The following WDSUB1 variants were observed in gnomAD, a reference collection of about 807,000 sequenced individuals.
The protein encoded by WDSUB1 is WD repeat, sterile alpha motif and U-box domain containing 1.
A neutral mutation model predicts 53.9 loss-of-function variants in WDSUB1; 49 were observed. That is an observed-to-expected ratio of 0.91 (90% CI 0.72 to 1.15). The LOEUF (loss-of-function observed/expected upper bound fraction) is 1.15. Ranked by LOEUF, WDSUB1 falls within the 50% of genes most tolerant of loss-of-function variation. The pLI, the probability that WDSUB1 is intolerant of heterozygous loss-of-function variation, is 0.00. For missense variants in WDSUB1, 514 were observed against 562.0 expected, an observed-to-expected ratio of 0.91 and a Z score of 0.86; for synonymous variants, 194 against 200.6, an observed-to-expected ratio of 0.97 and a Z score of 0.28.
chr2:159,250,088 C>CAAAAAAAAAAAAA lies in WDSUB1; in HGVS notation c.1133-1589_1133-1577dup, dbSNP rs374038625. Among the ~76,000 whole-genome samples the CAAAAAAAAAAAAA allele has an allele frequency of 1.7e-3, 142 of 83,390 alleles. 4 individuals carry two copies. Among genetic ancestry groups the CAAAAAAAAAAAAA allele is most frequent in the Non-Finnish European group, 2.4e-3 (91 of 37,180 alleles). 54.7% of individuals were successfully genotyped at this position (83,390 alleles called of 152,430 possible). On this transcript the variant is annotated intron_variant, in intron 9 of 10. Transcript: ENST00000359774. Reference sequence around the variant, plus strand: ...TGGGCGACACAGTGAGACTCTGCCTCAAAAAAAAAAAAAAAAAAAGAAGGG... The same window carrying CAAAAAAAAAAAAA: ...TGGGCGACACAGTGAGACTCTGCCTCAAAAAAAAAAAAAAAAAAAAAAAAAAAAAAAAGAAGGG...
chr2:159,241,041 G>A (rs2060630099), intron 10 of WDSUB1, among the ~76,000 whole-genome samples: 1 of 152,210 alleles, frequency 6.6e-6, no homozygotes, highest in African/African-American at 2.4e-5. Context: ...GAATTAGACA[G>A]TATACTTGAA....
At chr2:159,275,439 T>G (rs2061520023) in intron 4 of WDSUB1, 107 bp downstream of exon 4, 1 of 880,662 alleles carries the variant, frequency 1.1e-6, no homozygotes, top group Non-Finnish European at 1.7e-6. Context: ...TAAACCATAT[T>G]TTAATACTTA....
intron 5 of WDSUB1, among the ~76,000 whole-genome samples, chr2:159,263,569 A>T (rs2061272174): frequency 6.6e-6 from 1 of 152,212 alleles, no homozygotes; most frequent in Non-Finnish European, 1.5e-5. Context: ...ATGCAATGTA[A>T]AATAGAAACA....
At chr2:159,274,448 T>C (rs1380537676) in intron 4 of WDSUB1, among the ~76,000 whole-genome samples, 12 of 152,090 alleles carry the variant, frequency 7.9e-5, no homozygotes, top group Admixed American at 7.2e-4. Context: ...AAAGGAAAAT[T>C]AGAATGACAC....
chr2:159,274,678 T>C (rs968708542), intron 4 of WDSUB1, among the ~76,000 whole-genome samples: 5 of 113,160 alleles, frequency 4.4e-5, no homozygotes, highest in Admixed American at 3.1e-4. Context: ...AAGGGCCAAC[T>C]ACCCACCTCC....
intron 6 of WDSUB1, among the ~76,000 whole-genome samples, 174 bp from the exon 7 acceptor site, chr2:159,258,159 T>A (rs1234531983): frequency 1.3e-5 from 2 of 152,184 alleles, no homozygotes; most frequent in African/African-American, 4.8e-5. Flanking sequence ...TGTAACAGCA[T>A]TCTCAGGTAC....
intron 3 of WDSUB1, among the ~76,000 whole-genome samples, chr2:159,275,901 G>A (rs1365064150): frequency 1.3e-5 from 2 of 152,112 alleles, no homozygotes; most frequent in African/African-American, 4.8e-5. Context: ...AGGCTGCAAG[G>A]ACCAATATTG....
chr2:159,261,076 C>G (rs1559546508), intron 5 of WDSUB1, among the ~76,000 whole-genome samples: 1 of 152,100 alleles, frequency 6.6e-6, no homozygotes, highest in Non-Finnish European at 1.5e-5. Context: ...TGTCAGCCCT[C>G]CATATCCACA....
chr2:159,252,880 AAAT>A (rs2060980167), intron 9 of WDSUB1, among the ~76,000 whole-genome samples: 1 of 152,232 alleles, frequency 6.6e-6, no homozygotes, highest in Non-Finnish European at 1.5e-5. Flanking sequence ...CCTTTGAAAA[AAAT>A]CTCGTTCCCA....
chr2:159,258,291 A>G (rs2061113923), intron 6 of WDSUB1, among the ~76,000 whole-genome samples: 1 of 152,210 alleles, frequency 6.6e-6, no homozygotes, highest in Non-Finnish European at 1.5e-5. Context: ...TAACCTAAAC[A>G]TCTATTACCT....
At chr2:159,272,785 A>G (rs1433307237) in intron 4 of WDSUB1, among the ~76,000 whole-genome samples, 1 of 152,202 alleles carries the variant, frequency 6.6e-6, no homozygotes, top group East Asian at 1.9e-4. Context: ...TGTAATTCCA[A>G]TATTATCTTT....
In WDSUB1 at chr2:159,282,984, G is replaced by A. The variant is rs1274888392; in HGVS notation, c.86C>T (p.Ser29Phe). Reference sequence around the variant, plus strand: ...GTACAGGCGAATTGTTTTGTCCAAGGAGCAAGTAGCCAAGAGGGAAAAGGA... The same window carrying A: ...GTACAGGCGAATTGTTTTGTCCAAGAAGCAAGTAGCCAAGAGGGAAAAGGA... ...AFSFSLLATC[S>F]LDKTIRLYSL... Residue 29 changes from serine (S) to phenylalanine (F), a missense_variant, in exon 2 of 11, where the codon TCC becomes TTC. Transcript: ENST00000359774. The A allele has an allele frequency of 6.2e-7, 1 of 1,614,070 alleles. No individual in the cohort carries two copies. The highest frequency in any genetic ancestry group is 8.5e-7 in the Non-Finnish European group (1 of 1,180,038).
At chr2:159,275,711 A>G in intron 3 of WDSUB1, 73 bp from the exon 4 acceptor site, 1 of 1,159,548 alleles carries the variant, frequency 8.6e-7, no homozygotes, top group Non-Finnish European at 1.2e-6. Flanking sequence ...CATTTCTTAT[A>G]CTAAGATCTA....
chr2:159,273,429 T>A (rs1558871224), intron 4 of WDSUB1, among the ~76,000 whole-genome samples: 1 of 152,138 alleles, frequency 6.6e-6, no homozygotes, highest in African/African-American at 2.4e-5. Flanking sequence ...TTATTTTTAT[T>A]ATTTTTTTTT....
intron 5 of WDSUB1, among the ~76,000 whole-genome samples, chr2:159,260,934 CTTG>C (rs2061175220): frequency 6.6e-6 from 1 of 152,172 alleles, no homozygotes; most frequent in Admixed American, 6.5e-5. Context: ...CTTAAAATTC[CTTG>C]TTCAGTAGAC....
In WDSUB1 at chr2:159,282,663, T is replaced by C. The variant is rs748558893; in HGVS notation, c.398+9A>G. ...AGGATTAAAACAGGAAGGATTTAAA[T>C]ATCCATACCTATATAATTTGTATGA... On this transcript the variant is annotated intron_variant, in intron 2 of 10. Transcript: ENST00000359774. The C allele has an allele frequency of 1.3e-6, 2 of 1,593,262 alleles. No individual in the cohort carries two copies. Among genetic ancestry groups the C allele is most frequent in the Non-Finnish European group, 1.7e-6 (2 of 1,165,380 alleles).
chr2:159,251,694 T>C (rs907022203), intron 9 of WDSUB1, among the ~76,000 whole-genome samples: 1 of 152,170 alleles, frequency 6.6e-6, no homozygotes, highest in Non-Finnish European at 1.5e-5. Flanking sequence ...TGAAAAGACA[T>C]CTTGATGACA....
rs1559543284 is a variant in WDSUB1, at chr2:159,257,768, T to C, written c.942A>G (p.Thr314=). ...GATGTCCTTACTAACCTTGGCAAAG[T>C]GTTTCCAGGTCAAATTGCCAGATGT... The part of the protein sequence containing the change: ...TVNIWQFDLE[T]LCQARRTEHQ... Residue 314 remains threonine (T), a synonymous_variant, in exon 8 of 11, where the codon ACA becomes ACG. Coordinates refer to ENST00000359774, the MANE Select transcript of WDSUB1 (RefSeq NM_001128212.3). The C allele has an allele frequency of 6.2e-7, 1 of 1,613,956 alleles. No homozygotes were observed. The highest frequency in any genetic ancestry group is 1.1e-5 in the South Asian group (1 of 91,072).
At chr2:159,275,169 T>C (rs546612588) in intron 4 of WDSUB1, among the ~76,000 whole-genome samples, 1 of 152,230 alleles carries the variant, frequency 6.6e-6, no homozygotes, top group South Asian at 2.1e-4. Context: ...ACTGAAAGGG[T>C]CACCTGATGG....
Sources: gnomAD v4.1 joint callset for allele counts (sites outside exome capture counted in the v4.1 genomes callset) on GRCh38, gnomAD v4.1.1 for gene constraint, MANE v1.5 for transcripts, NCBI Gene and HGNC (gene_info 2026-07-23, HGNC 2026-07-21) for gene names.